The following N4BP2L2 variants were observed in gnomAD, a reference collection of about 807,000 sequenced individuals.
N4BP2L2 encodes the protein NEDD4-binding protein 2-like 2.
N4BP2L2 carries 50 observed loss-of-function variants against 56.2 expected under a neutral mutation model. That is an observed-to-expected ratio of 0.89 (90% confidence interval 0.71 to 1.13). The LOEUF is 1.13. Among genes scored for constraint, N4BP2L2 ranks in the 50% most tolerant of loss-of-function variants. The probability of loss-of-function intolerance (pLI) is 0.00; values close to 1 mark genes in which losing one functional copy is unlikely to be tolerated. For missense variants in N4BP2L2, 689 were observed against 693.8 expected, an observed-to-expected ratio of 0.99 and a Z score of 0.08; for synonymous variants, 203 against 223.6, an observed-to-expected ratio of 0.91 and a Z score of 0.82.
intron 3 of N4BP2L2, chr13:32,522,752 TA>T (rs904665401): frequency 3.3e-5 from 5 of 152,274 alleles, no homozygotes; most frequent in African/African-American, 1.2e-4. Context: ...ATGGAGATAT[TA>T]AAATTGGTCG....
At chr13:32,468,789 G>A (rs2081735947) in intron 6 of N4BP2L2, among the ~76,000 whole-genome samples, 1 of 152,224 alleles carries the variant, frequency 6.6e-6, no homozygotes, top group Admixed American at 6.5e-5. Flanking sequence ...TGCACACCCA[G>A]AGAAAAGAGA....
At chr13:32,534,732 T>C (rs2056063816) in intron 2 of N4BP2L2, among the ~76,000 whole-genome samples, 1 of 152,220 alleles carries the variant, frequency 6.6e-6, no homozygotes, top group South Asian at 2.1e-4. Context: ...GATTGTCTTG[T>C]TAGTAATATA....
intron 6 of N4BP2L2, among the ~76,000 whole-genome samples, chr13:32,493,329 T>A (rs540162738): frequency 6.6e-6 from 1 of 152,122 alleles, no homozygotes; most frequent in African/African-American, 2.4e-5. Flanking sequence ...TATTTGTGTA[T>A]CATTATGTTG....
chr13:32,508,108 T>C (rs1416917772), downstream of N4BP2L2: 1 of 152,076 alleles, frequency 6.6e-6, no homozygotes, highest in Non-Finnish European at 1.5e-5. Context: ...GCTTGCTGAG[T>C]AGTCAAATAA....
intron 6 of N4BP2L2, among the ~76,000 whole-genome samples, chr13:32,457,831 G>T (rs2079233804): frequency 6.6e-6 from 1 of 151,964 alleles, no homozygotes. Flanking sequence ...AAAGAGAAGG[G>T]ATTCAAATGT....
At chr13:32,445,613 A>G (rs2076939499) in intron 6 of N4BP2L2, among the ~76,000 whole-genome samples, 2 of 152,254 alleles carry the variant, frequency 1.3e-5, no homozygotes, top group African/African-American at 4.8e-5. Flanking sequence ...AGACTACACT[A>G]CTACTCTGTG....
At position 32,521,428 on chromosome 13, in the gene N4BP2L2, CT is replaced by C; in HGVS notation, c.1494del (p.Val499Ter). ...CAAGTTTCAGGTTCATGAAACTCTA[CT>C]CTGTATCCTTTTCCTATGGCCTACA... is the stretch of plus-strand genomic sequence containing the variant. On this transcript the variant is annotated frameshift_variant, in exon 5 of 6. Transcript: ENST00000267068. LOFTEE classifies it high-confidence loss of function. The C allele has an allele frequency of 1.9e-6, 3 of 1,612,672 alleles. No individual in the cohort carries two copies. The South Asian group carries it at 3.3e-5, about 18-fold the overall frequency.
intron 6 of N4BP2L2, chr13:32,477,382 G>T (rs1177336633): frequency 1.1e-5 from 2 of 181,954 alleles, no homozygotes; most frequent in South Asian, 1.3e-4. Context: ...ACCTGCCAAT[G>T]CTTTCTTGTT....
intron 6 of N4BP2L2, among the ~76,000 whole-genome samples, chr13:32,493,975 A>G (rs926085401): frequency 2.6e-5 from 4 of 152,190 alleles, no homozygotes; most frequent in Non-Finnish European, 5.9e-5. Flanking sequence ...TTCCTCATCT[A>G]TAAAATGTGA....
chr13:32,497,985 A>C (rs2089143958), intron 6 of N4BP2L2, among the ~76,000 whole-genome samples: 2 of 152,128 alleles, frequency 1.3e-5, no homozygotes, highest in African/African-American at 4.8e-5. Flanking sequence ...TAGACACAGT[A>C]ATTTTTTTTC....
At chr13:32,453,256 C>T (rs1367617642) in intron 6 of N4BP2L2, among the ~76,000 whole-genome samples, 1 of 151,742 alleles carries the variant, frequency 6.6e-6, no homozygotes, top group African/African-American at 2.4e-5. Flanking sequence ...ACTTTGTCTT[C>T]AAAAAAAGAA....
intron 6 of N4BP2L2, among the ~76,000 whole-genome samples, chr13:32,476,850 C>T (rs539614032): frequency 6.6e-6 from 1 of 152,234 alleles, no homozygotes; most frequent in African/African-American, 2.4e-5. Context: ...TGAAAAAGTA[C>T]CCCTGGCAGT....
intron 6 of N4BP2L2, chr13:32,478,210 G>A (rs897593989): frequency 4.2e-5 from 19 of 448,034 alleles, no homozygotes; most frequent in African/African-American, 3.3e-4. Flanking sequence ...GGAATATTAT[G>A]ACATTTAAGA....
chr13:32,529,256 G>A (rs1259554038), intron 2 of N4BP2L2, among the ~76,000 whole-genome samples: 2 of 152,168 alleles, frequency 1.3e-5, no homozygotes, highest in East Asian at 1.9e-4. Context: ...TGGTGTGAAC[G>A]TAATTGCAGT....
rs778849385 is a variant in N4BP2L2 at position 32,536,191 on chromosome 13, A to C, written c.837T>G (p.Gly279=). The change falls in exon 2 of 6, where the codon GGT becomes GGG. Residue 279 remains glycine (G), a synonymous_variant. Transcript: ENST00000267068. Reference sequence around the variant, plus strand: ...GATAGTTCAAACTGGGAAGAGGGGGACCATAGGGCACTATAAAAGGATATA... The same window carrying C: ...GATAGTTCAAACTGGGAAGAGGGGGCCCATAGGGCACTATAAAAGGATATA... 5 of 1,614,030 alleles carry C rather than the reference A, an allele frequency of 3.1e-6. No individual in the cohort carries two copies. In the South Asian group the frequency reaches 5.5e-5, roughly 18 times the overall value.
At chr13:32,517,645 C>A in exon 6 of N4BP2L2, 1 of 1,404,540 alleles carries the variant, frequency 7.1e-7, no homozygotes. Context: ...TTTTTATTTA[C>A]ACTTTAACAA....
intron 6 of N4BP2L2, among the ~76,000 whole-genome samples, chr13:32,489,168 C>T (rs1316717741): frequency 6.6e-6 from 1 of 152,208 alleles, no homozygotes; most frequent in African/African-American, 2.4e-5. Flanking sequence ...TATTAACTCC[C>T]AGATTCTAAA....
At chr13:32,538,581 C>T in intron 1 of N4BP2L2, 37 bp downstream of exon 1, 1 of 971,850 alleles carries the variant, frequency 1.0e-6, no homozygotes, top group Non-Finnish European at 1.2e-6. Flanking sequence ...AACACCACCA[C>T]CGCCCCACCC....
intron 6 of N4BP2L2, among the ~76,000 whole-genome samples, chr13:32,445,235 G>A (rs1276215864): frequency 6.6e-6 from 1 of 150,934 alleles, no homozygotes; most frequent in African/African-American, 2.4e-5. Flanking sequence ...TGGCCCACAG[G>A]GCAAGACTCC....
Sources: gnomAD v4.1 joint callset for allele counts (sites outside exome capture counted in the v4.1 genomes callset) on GRCh38, gnomAD v4.1.1 for gene constraint, MANE v1.5 for transcripts, NCBI Gene and HGNC (gene_info 2026-07-23, HGNC 2026-07-21) for gene names.